Variants in RXRA observed in about 807,000 individuals in gnomAD.
The protein encoded by RXRA is retinoic acid receptor RXR-alpha.
In RXRA, 5 loss-of-function variants were observed where a neutral mutation model predicts 44.5. The observed-to-expected ratio is 0.11, with a 90% CI of 0.06 to 0.24. RXRA has a LOEUF of 0.24. Among genes scored for constraint, RXRA ranks in the 10% least tolerant of loss-of-function variants. The probability of loss-of-function intolerance (pLI) is 1.00; values close to 1 mark genes in which losing one functional copy is unlikely to be tolerated. For missense variants in RXRA, 412 were observed against 646.5 expected (o/e 0.64, Z 3.93); for synonymous variants, 291 against 271.4 (o/e 1.07, Z -0.71).
intron 1 of RXRA, among the ~76,000 whole-genome samples, chr9:134,335,056 A>T (rs1554747129): frequency 6.6e-6 from 1 of 152,076 alleles, no homozygotes; most frequent in Admixed American, 6.5e-5. Flanking sequence ...TTGGGCACTG[A>T]CCTTCCTTGC....
chr9:134,327,298 G>A lies in RXRA; in HGVS notation c.28+639G>A, dbSNP rs1223127930. ...TCTGGCACCCCCGGGTGTTCTCCCA[G>A]GCTGGCTCTCCATTTGTGAGCAGGA... is the stretch of plus-strand genomic sequence containing the variant. On this transcript the variant is annotated intron_variant, in intron 1 of 9. Transcript: ENST00000481739. 2.0e-5 allele frequency among the ~76,000 whole-genome samples: 3 copies of A among 152,186 alleles called. No individual in the cohort carries two copies. In the East Asian group the frequency reaches 5.8e-4, roughly 29 times the overall value.
At chr9:134,422,477 C>T in intron 6 of RXRA, 5 of 1,229,534 alleles carry the variant, frequency 4.1e-6, no homozygotes, top group Non-Finnish European at 5.3e-6. Flanking sequence ...CTCCCTGCTA[C>T]CGGGACACTC....
At chr9:134,355,826 T>C (rs1255528592) in intron 1 of RXRA, among the ~76,000 whole-genome samples, 2 of 152,120 alleles carry the variant, frequency 1.3e-5, no homozygotes, top group Non-Finnish European at 2.9e-5. Context: ...CCCAGGGCCC[T>C]GGGCTCACCC....
At chr9:134,428,875 C>T (rs1831480941) in intron 6 of RXRA, among the ~76,000 whole-genome samples, 1 of 152,200 alleles carries the variant, frequency 6.6e-6, no homozygotes, top group Admixed American at 6.5e-5. Context: ...TTCCACAAAG[C>T]TCAAGGGACT....
chr9:134,436,881 C>G lies in RXRA; in HGVS notation c.*267C>G. The stretch of plus-strand genomic sequence containing the variant: ...TGAGCCCAGCCAGGCGCCTCCCCAC[C>G]GGGCTCTCAGGACACCCTGCCACAC... On this transcript the variant is annotated 3_prime_UTR_variant, in exon 10 of 10. Coordinates refer to ENST00000481739, the MANE Select transcript of RXRA (RefSeq NM_002957.6). The G allele has an allele frequency of 2.2e-6, 1 of 457,714 alleles. No individual in the cohort carries two copies. Among genetic ancestry groups the G allele is most frequent in the Admixed American group, 3.9e-5 (1 of 25,750 alleles). The allele number at this position is 457,714 out of a possible 1,614,324, so 28.4% of individuals were successfully genotyped here.
intron 1 of RXRA, among the ~76,000 whole-genome samples, chr9:134,384,148 C>T (rs773915349): frequency 3.9e-4 from 60 of 152,160 alleles, no homozygotes; most frequent in South Asian, 1.2e-3. Context: ...ACACTGTCAC[C>T]CCCGGGGGGA....
intron 1 of RXRA, 85 bp downstream of exon 1, chr9:134,326,744 C>T: frequency 4.1e-6 from 1 of 246,100 alleles, no homozygotes; most frequent in Non-Finnish European, 6.3e-6. Flanking sequence ...GTTGGCGGCG[C>T]GCGCGGGGGG....
intron 4 of RXRA, among the ~76,000 whole-genome samples, chr9:134,414,894 G>T (rs990165875): frequency 6.6e-6 from 1 of 152,170 alleles, no homozygotes; most frequent in East Asian, 1.9e-4. Context: ...GGAGGGTCGT[G>T]TCAGTAGTGA....
At chr9:134,421,567 T>A in intron 5 of RXRA, 109 bp from the exon 6 acceptor site, 1 of 1,286,804 alleles carries the variant, frequency 7.8e-7, no homozygotes, top group Non-Finnish European at 1.1e-6. Context: ...GGGGGCCGTA[T>A]TCAGCGTCCT....
chr9:134,367,747 C>T (rs982254919), intron 1 of RXRA, among the ~76,000 whole-genome samples: 70 of 152,258 alleles, frequency 4.6e-4, no homozygotes, highest in African/African-American at 1.6e-3. Flanking sequence ...AGCTCCCCCT[C>T]GGGTGGGGGG....
At chr9:134,354,069 C>T (rs1052134689) in intron 1 of RXRA, among the ~76,000 whole-genome samples, 2 of 152,148 alleles carry the variant, frequency 1.3e-5, no homozygotes, top group Non-Finnish European at 2.9e-5. Flanking sequence ...TAAAATAACA[C>T]TTAGGTCCAT....
At chr9:134,404,677 G>A (rs1831021011) in intron 2 of RXRA, 1 of 152,906 alleles carries the variant, frequency 6.5e-6, no homozygotes, top group Non-Finnish European at 1.5e-5. Context: ...GTCGGAAGCA[G>A]GGCAGCACAG....
At chr9:134,429,083 G>A in intron 6 of RXRA, 25 bp from the exon 7 acceptor site, 1 of 1,612,512 alleles carries the variant, frequency 6.2e-7, no homozygotes, top group Non-Finnish European at 8.5e-7. Flanking sequence ...GGAGACAGCT[G>A]AGTGACTGTG....
At position 134,436,452 on chromosome 9, in the gene RXRA, A is replaced by G. The variant is rs1588313583; in HGVS notation, c.1242-15A>G. On this transcript the variant is annotated splice_polypyrimidine_tract_variant and intron_variant, in intron 9 of 9. Coordinates refer to ENST00000481739, the MANE Select transcript of RXRA (RefSeq NM_002957.6). ...ATGCCCCTTGCCCGGCCCTCACCAGACCTGTTCCCTGCAGGTTCGCTAAGC... is the reference window on the plus strand; with the variant it reads ...ATGCCCCTTGCCCGGCCCTCACCAGGCCTGTTCCCTGCAGGTTCGCTAAGC... 2 of 1,613,238 alleles carry G rather than the reference A, an allele frequency of 1.2e-6. No homozygotes were observed. Among genetic ancestry groups the G allele is most frequent in the Admixed American group, 1.7e-5 (1 of 60,000 alleles).
intron 1 of RXRA, among the ~76,000 whole-genome samples, chr9:134,359,005 A>G (rs1378009348): frequency 6.6e-6 from 1 of 152,152 alleles, no homozygotes; most frequent in African/African-American, 2.4e-5. Context: ...AAGGCTCAAC[A>G]GGGTCCAGGG....
intron 5 of RXRA, among the ~76,000 whole-genome samples, chr9:134,420,130 C>T (rs1317279556): frequency 1.3e-5 from 2 of 152,212 alleles, no homozygotes; most frequent in African/African-American, 4.8e-5. Flanking sequence ...CCCAGCAGAG[C>T]CACTGCTGCA....
rs1830189422 is a variant in RXRA at position 134,349,084 on chromosome 9, C to A, written c.28+22425C>A. 2.0e-5 allele frequency among the ~76,000 whole-genome samples: 3 copies of A among 152,234 alleles called. No individual in the cohort carries two copies. Among genetic ancestry groups the A allele is most frequent in the African/African-American group, 7.2e-5 (3 of 41,458 alleles). On this transcript the variant is annotated intron_variant, in intron 1 of 9. Coordinates refer to ENST00000481739, the MANE Select transcript of RXRA (RefSeq NM_002957.6). This position sits in a 1 kb window ranked among gnomAD's most constrained non-coding sequence, Gnocchi z 4.3. ...GTGATGCATGGTGGGTACGCTGCTT[C>A]CCGGGAGGGGACTTGTGCTGTCCCT...
At chr9:134,431,360 T>C (rs1036160486) in intron 7 of RXRA, among the ~76,000 whole-genome samples, 16 of 152,314 alleles carry the variant, frequency 1.1e-4, no homozygotes, top group African/African-American at 3.8e-4. Context: ...CTGGTGGATT[T>C]TTTTTCTCTG....
rs185497984 is a variant in RXRA at position 134,398,172 on chromosome 9, G to T, written c.29-3460G>T. 3.3e-5 allele frequency among the ~76,000 whole-genome samples: 5 copies of T among 152,228 alleles called. No individual in the cohort carries two copies. In the East Asian group the frequency reaches 7.7e-4, roughly 24 times the overall value. ...TTTTTGTATTTTTGGTAGAGATGGG[G>T]TTTTGCCATGTTGGCCAGGCTGGTC... On this transcript the variant is annotated intron_variant, in intron 1 of 9. Transcript: ENST00000481739.
Sources: allele counts gnomAD v4.1 joint callset (sites outside exome capture counted in the v4.1 genomes callset), GRCh38; gene constraint gnomAD v4.1.1; non-coding constraint Gnocchi (gnomAD v3.1); transcripts MANE v1.5; gene names NCBI Gene and HGNC (gene_info 2026-07-23, HGNC 2026-07-21).